Variants in EEA1 observed in about 807,000 individuals in gnomAD.
EEA1 encodes early endosome antigen 1, 162kD.
EEA1 carries 111 observed loss-of-function variants against 209.2 expected under a neutral mutation model. The ratio of observed to expected loss-of-function variants is 0.53; its 90% CI spans 0.45 to 0.62. EEA1 has a LOEUF of 0.62. Among genes scored for constraint, EEA1 ranks in the 20% least tolerant of loss-of-function variants. The probability of loss-of-function intolerance (pLI) is 0.00; values close to 1 mark genes in which losing one functional copy is unlikely to be tolerated. For synonymous variants in EEA1, 536 were observed against 540.6 expected (o/e 0.99, Z 0.12); for missense variants, 1,343 against 1,530.8 (o/e 0.88, Z 2.05).
chr12:92,915,913 T>C (rs1319408226), intron 1 of EEA1, among the ~76,000 whole-genome samples: 3 of 152,194 alleles, frequency 2.0e-5, no homozygotes, highest in African/African-American at 4.8e-5. Flanking sequence ...ACTTAAGTTA[T>C]TAGTTACATG....
chr12:92,896,339 G>A (rs557209858), intron 1 of EEA1, among the ~76,000 whole-genome samples: 1 of 152,284 alleles, frequency 6.6e-6, no homozygotes, highest in South Asian at 2.1e-4. Flanking sequence ...AGCAAAGAAG[G>A]TGGTTCCTTG....
At chr12:92,910,343 C>T (rs145781907) in intron 1 of EEA1, among the ~76,000 whole-genome samples, 3,193 of 151,402 alleles carry the variant, frequency 0.021, 121 homozygotes, top group African/African-American at 0.074. Context: ...GTGGTGCGCA[C>T]CTGTAATCCC....
At chr12:92,904,098 G>A (rs1006249807) in intron 1 of EEA1, among the ~76,000 whole-genome samples, 1 of 152,072 alleles carries the variant, frequency 6.6e-6, no homozygotes, top group Admixed American at 6.6e-5. Context: ...GAGTAGCTGG[G>A]ATTACAGGCA....
Position 92,881,852 on chromosome 12 carries a change from C to T in EEA1, c.117+9777G>A, listed in dbSNP as rs529287455. Among the ~76,000 whole-genome samples the T allele has an allele frequency of 6.6e-5, 10 of 152,244 alleles. No homozygotes were observed. In the East Asian group the frequency reaches 1.9e-3, roughly 29 times the overall value. On this transcript the variant is annotated intron_variant, in intron 2 of 28. Coordinates refer to ENST00000322349, the MANE Select transcript of EEA1 (RefSeq NM_003566.4). ...ATTACATATATTATATATGTTATTA[C>T]AGCTGACCCTCGAACACCGCAAGTT...
intron 5 of EEA1, among the ~76,000 whole-genome samples, chr12:92,856,161 C>CA (rs1374792059): frequency 6.6e-6 from 1 of 152,150 alleles, no homozygotes; most frequent in East Asian, 1.9e-4. Context: ...AATTACTTTA[C>CA]AAAAATATTA....
intron 2 of EEA1, among the ~76,000 whole-genome samples, chr12:92,881,894 A>G (rs1409268334): frequency 6.6e-6 from 1 of 152,198 alleles, no homozygotes; most frequent in Non-Finnish European, 1.5e-5. Context: ...GTGTGGGTCC[A>G]CTTACACGTG....
At position 92,852,172 on chromosome 12, in the gene EEA1, T is replaced by C. The variant is rs1318898513; in HGVS notation, c.642+3A>G. The C allele has an allele frequency of 1.3e-6, 2 of 1,571,570 alleles. No individual in the cohort carries two copies. Among genetic ancestry groups the C allele is most frequent in the African/African-American group, 2.8e-5 (2 of 72,214 alleles). ...ACATCTCAATAAATAATTCCTAAAT[T>C]ACCAGTTCCGTCTTCAGATCTTGAA... On this transcript the variant is annotated splice_donor_region_variant and intron_variant, in intron 8 of 28. Transcript: ENST00000322349.
intron 1 of EEA1, among the ~76,000 whole-genome samples, chr12:92,894,189 A>C (rs1380778383): frequency 1.3e-5 from 2 of 152,126 alleles, no homozygotes; most frequent in Non-Finnish European, 2.9e-5. Context: ...GGCCAACTTA[A>C]TTGATAAATG....
At chr12:92,794,926 C>T (rs1362565846) in intron 21 of EEA1, among the ~76,000 whole-genome samples, 1 of 151,976 alleles carries the variant, frequency 6.6e-6, no homozygotes, top group Admixed American at 6.6e-5. Flanking sequence ...TTACCAACTA[C>T]CCACATGCAC....
In EEA1 at chr12:92,896,316, C is replaced by T. The variant is rs57639196; in HGVS notation, c.25-4595G>A. Among the ~76,000 whole-genome samples the T allele has an allele frequency of 9.9e-5, 15 of 152,200 alleles. No individual in the cohort carries two copies. The East Asian group carries it at 2.7e-3, about 27-fold the overall frequency. ...TAAAACTTTAATGGAGGAGGAATGG[C>T]TTCTTAGGGATGAGCAAAGAAGGTG... On this transcript the variant is annotated intron_variant, in intron 1 of 28. Transcript: ENST00000322349.
intron 22 of EEA1, among the ~76,000 whole-genome samples, chr12:92,784,244 C>G (rs1451900955): frequency 6.6e-6 from 1 of 152,094 alleles, no homozygotes; most frequent in East Asian, 1.9e-4. Context: ...AAAATGGAAG[C>G]TACACAGGGC....
At chr12:92,812,823 C>A (rs1297760869) in intron 16 of EEA1, among the ~76,000 whole-genome samples, 157 bp downstream of exon 16, 1 of 152,206 alleles carries the variant, frequency 6.6e-6, no homozygotes, top group Non-Finnish European at 1.5e-5. Flanking sequence ...ATGTGACCCC[C>A]ACTTTTACTA....
At chr12:92,797,043 A>C (rs761668680) in intron 21 of EEA1, among the ~76,000 whole-genome samples, 37 of 152,182 alleles carry the variant, frequency 2.4e-4, no homozygotes, top group Non-Finnish European at 4.3e-4. Flanking sequence ...AATGCTATGT[A>C]AATAGTTGTT....
At chr12:92,789,680 T>G (rs539410556) in intron 21 of EEA1, among the ~76,000 whole-genome samples, 20 of 152,294 alleles carry the variant, frequency 1.3e-4, no homozygotes, top group African/African-American at 4.8e-4. Flanking sequence ...AGACTCCACC[T>G]CTGGGGGCAG....
chr12:92,795,391 C>T (rs915151633), intron 21 of EEA1, among the ~76,000 whole-genome samples: 1 of 152,214 alleles, frequency 6.6e-6, no homozygotes, highest in Non-Finnish European at 1.5e-5. Context: ...AAAGTATAAG[C>T]TCCACAAGAA....
intron 2 of EEA1, among the ~76,000 whole-genome samples, chr12:92,889,701 C>T (rs1051649390): frequency 1.3e-5 from 2 of 152,230 alleles, no homozygotes; most frequent in East Asian, 3.9e-4. Flanking sequence ...GTGTTTGAGA[C>T]CAGGCTGGCC....
chr12:92,808,930 C>T lies in EEA1; in HGVS notation c.2339+87G>A, dbSNP rs79224564. ...ATATCTAATAAGTCTTTAAGCACTACGATAGCAAAATTTAAATCTGAAGGA... is the reference window on the plus strand; with the variant it reads ...ATATCTAATAAGTCTTTAAGCACTATGATAGCAAAATTTAAATCTGAAGGA... On this transcript the variant is annotated intron_variant, in intron 18 of 28. Transcript: ENST00000322349. The T allele has an allele frequency of 4.1e-3, 5,076 of 1,226,286 alleles. 164 individuals carry two copies. The African/African-American group carries it at 0.064, about 15-fold the overall frequency. 76.0% of individuals were successfully genotyped at this position (1,226,286 alleles called of 1,614,324 possible).
chr12:92,883,764 C>T (rs1879264578), intron 2 of EEA1: 18 of 1,410,120 alleles, frequency 1.3e-5, no homozygotes, highest in Middle Eastern at 2.5e-4. Flanking sequence ...TCTCTCTTCT[C>T]CCTTCCGTCA....
rs371386535 is a variant in EEA1 at position 92,787,975 on chromosome 12, T to C, written c.3042A>G (p.Ile1014Met). 3 of 1,613,324 alleles carry C rather than the reference T, an allele frequency of 1.9e-6. No homozygotes were observed. Among genetic ancestry groups the C allele is most frequent in the Admixed American group, 1.7e-5 (1 of 59,940 alleles). The change falls in exon 22 of 29, where the codon ATA becomes ATG. Residue 1014 changes from isoleucine to methionine, a missense_variant. By Grantham distance (10) the Ile-to-Met change is conservative (BLOSUM62 1). Transcript: ENST00000322349. ...AQELAAEKEKISVLQNNYEKS... is the reference protein window; with the variant it reads ...AQELAAEKEKMSVLQNNYEKS... ...TTTCATAGTTGTTTTGTAATACTGA[T>C]ATTTTCTCTTTCTCTGCTGCAAGTT...
Sources: gnomAD v4.1 joint callset for allele counts (sites outside exome capture counted in the v4.1 genomes callset) on GRCh38, gnomAD v4.1.1 for gene constraint, MANE v1.5 for transcripts, NCBI Gene and HGNC (gene_info 2026-07-23, HGNC 2026-07-21) for gene names.